Variants in TMEM25 observed in about 807,000 individuals in gnomAD.
The protein encoded by TMEM25 is transmembrane protein 25, also known as 0610039J01Rik.
TMEM25 carries 36 observed loss-of-function variants against 37.0 expected under a neutral mutation model. The observed-to-expected ratio is 0.97, with a 90% CI of 0.75 to 1.28. The LOEUF (loss-of-function observed/expected upper bound fraction) is 1.28, where lower values mean the gene tolerates loss of function less well. Among genes scored for constraint, TMEM25 ranks in the 50% most tolerant of loss-of-function variants. The pLI, the probability that TMEM25 is intolerant of heterozygous loss-of-function variation, is 0.00. For synonymous variants in TMEM25, 197 were observed against 203.7 expected (o/e 0.97, Z 0.28); for missense variants, 444 against 477.9 (o/e 0.93, Z 0.66).
chr11:118,532,942 C>T lies in TMEM25; in HGVS notation c.408C>T (p.Gly136=), dbSNP rs200064947. ...VQFKPEIAQV[G]AKYQEAQGPG... The stretch of plus-strand genomic sequence containing the variant: ...TCAAGCCAGAGATTGCCCAAGTCGG[C>T]GCCAAGTACCAGGAAGCTCAGGGCC... Residue 136 remains glycine, a synonymous_variant, in exon 4 of 9, where the codon GGC becomes GGT. Transcript: ENST00000313236. 1.0e-4 allele frequency: 168 copies of T among 1,613,832 alleles called. No homozygotes were observed. Among genetic ancestry groups the T allele is most frequent in the African/African-American group, 2.1e-4 (16 of 75,062 alleles).
At position 118,534,592 on chromosome 11, in the gene TMEM25, G is replaced by A. The variant is rs1951454414; in HGVS notation, c.*12G>A. 6.2e-7 allele frequency: 1 copy of A among 1,613,966 alleles called. No homozygotes were observed. The highest frequency in any genetic ancestry group is 8.5e-7 in the Non-Finnish European group (1 of 1,179,910). On this transcript the variant is annotated 3_prime_UTR_variant, in exon 9 of 9. Transcript: ENST00000313236. This position sits in a 1 kb window ranked among gnomAD's most constrained non-coding sequence, Gnocchi z 4.6. ...AGATCTGGCTCTGAGCCGAGGGCGA[G>A]ACAGGAGTATTCTCTTGGCCTCTGG...
chr11:118,533,349 G>T, intron 4 of TMEM25, 71 bp from the exon 5 acceptor site: 1 of 1,604,310 alleles, frequency 6.2e-7, no homozygotes, highest in Non-Finnish European at 8.5e-7. Context: ...AAGGAGGGCA[G>T]AGTAGTACCT....
At chr11:118,535,926 G>A (rs1480254150), downstream of TMEM25, 2 of 854,278 alleles carry the variant, frequency 2.3e-6, no homozygotes, top group African/African-American at 1.8e-5. Context: ...CGCCCAGGCT[G>A]GAGTGCAGCG....
Position 118,532,239 on chromosome 11 carries a change from G to C in TMEM25, c.160G>C (p.Val54Leu). ...ENERHAFTCR[V>L]AGGPGTPRLA... ...TGAACGCCACGCCTTCACCTGCCGGGTGGCAGGGGGGCCTGGCACCCCCAG... is the reference window on the plus strand; with the variant it reads ...TGAACGCCACGCCTTCACCTGCCGGCTGGCAGGGGGGCCTGGCACCCCCAG... The change falls in exon 3 of 9, where the codon GTG becomes CTG. Residue 54 changes from valine to leucine, a missense_variant. Physicochemically the swap from Val to Leu is conservative, Grantham distance 32 (BLOSUM62 1). Transcript: ENST00000313236. 1 of 1,613,526 alleles carries C rather than the reference G, an allele frequency of 6.2e-7. No homozygotes were observed. Among genetic ancestry groups the C allele is most frequent in the South Asian group, 1.1e-5 (1 of 91,052 alleles).
Position 118,534,901 on chromosome 11 carries a change from C to T in TMEM25, c.*321C>T. On this transcript the variant is annotated 3_prime_UTR_variant, in exon 9 of 9. Transcript: ENST00000313236. The surrounding 1 kb of genome is among the most constrained non-coding windows in gnomAD (Gnocchi z 4.6). ...GGGGTGTTCAGATGTCATCCAGCAT[C>T]CAAGTGTGGCATGGCCTGCTGTATA... The T allele has an allele frequency of 1.6e-6, 2 of 1,226,398 alleles. No individual in the cohort carries two copies. Among genetic ancestry groups the T allele is most frequent in the Non-Finnish European group, 2.1e-6 (2 of 972,976 alleles). The allele number at this position is 1,226,398 out of a possible 1,614,324, so 76.0% of individuals were successfully genotyped here.
chr11:118,532,247 G>A lies in TMEM25; in HGVS notation c.168G>A (p.Gly56=), dbSNP rs45558732. 6.2e-7 allele frequency: 1 copy of A among 1,613,758 alleles called. No individual in the cohort carries two copies. Among genetic ancestry groups the A allele is most frequent in the South Asian group, 1.1e-5 (1 of 91,068 alleles). The change falls in exon 3 of 9, where the codon GGG becomes GGA. Residue 56 remains glycine, a synonymous_variant. Coordinates refer to ENST00000313236, the MANE Select transcript of TMEM25 (RefSeq NM_032780.4). ...ACGCCTTCACCTGCCGGGTGGCAGG[G>A]GGGCCTGGCACCCCCAGATTGGCCT... is the stretch of plus-strand genomic sequence containing the variant. The part of the protein sequence containing the change: ...ERHAFTCRVA[G]GPGTPRLAWY...
At position 118,531,787 on chromosome 11, in the gene TMEM25, T is replaced by C. The variant is rs2135361401; in HGVS notation, c.-15T>C. 9 of 1,549,686 alleles carry C rather than the reference T, an allele frequency of 5.8e-6. No individual in the cohort carries two copies. The highest frequency in any genetic ancestry group is 7.0e-6 in the Non-Finnish European group (8 of 1,146,662). ...CCCCTTCTCTCAGCAGCCTAGGGCC[T>C]AGGCCCGGGCCACCATGGCGCTGCC... On this transcript the variant is annotated 5_prime_UTR_variant, in exon 2 of 9. Coordinates refer to ENST00000313236, the MANE Select transcript of TMEM25 (RefSeq NM_032780.4).
intron 8 of TMEM25, among the ~76,000 whole-genome samples, chr11:118,544,272 C>A (rs953753869): frequency 6.6e-6 from 1 of 152,182 alleles, no homozygotes; most frequent in African/African-American, 2.4e-5. Context: ...AGACCAGAAC[C>A]AGACAGGTCT....
rs536963695 is a variant in TMEM25 at position 118,533,567 on chromosome 11, T to G, written c.805+16T>G. On this transcript the variant is annotated intron_variant, in intron 5 of 8. Transcript: ENST00000313236. ...AAAACCAAAGGTAGGCCAGGGACACTGGGGGCAGTGTGGATGAGGTCAGGC... is the reference window on the plus strand; with the variant it reads ...AAAACCAAAGGTAGGCCAGGGACACGGGGGGCAGTGTGGATGAGGTCAGGC... 2.4e-5 allele frequency: 38 copies of G among 1,611,466 alleles called. No homozygotes were observed. The African/African-American group carries it at 4.1e-4, about 18-fold the overall frequency.
rs1196843849 is a variant in TMEM25, at chr11:118,535,277, G to A, written c.*697G>A. ...GACTTTTCTATTGGCCTGTGCCATC[G>A]CCCAGTATTAGCACAAGTTAGGGAG... On this transcript the variant is annotated 3_prime_UTR_variant, in exon 9 of 9. Transcript: ENST00000313236. The A allele has an allele frequency of 1.7e-5, 21 of 1,241,414 alleles. No individual in the cohort carries two copies. In the African/African-American group the frequency reaches 2.0e-4, roughly 12 times the overall value. 76.9% of individuals were successfully genotyped at this position (1,241,414 alleles called of 1,614,324 possible).
rs1565336647 is a variant in TMEM25, at chr11:118,535,171, ACTT to A, written c.*597_*599del. ...TTTGCTGCACACGTCTCTGCCCTTC[ACTT>A]CTTCTCTTCTGTCCCCACCTCCTCT... On this transcript the variant is annotated 3_prime_UTR_variant, in exon 9 of 9. Coordinates refer to ENST00000313236, the MANE Select transcript of TMEM25 (RefSeq NM_032780.4). 6 of 1,050,888 alleles carry A rather than the reference ACTT, an allele frequency of 5.7e-6. No homozygotes were observed. The highest frequency in any genetic ancestry group is 7.7e-5 in the East Asian group (1 of 12,944). The allele number at this position is 1,050,888 out of a possible 1,614,324, so 65.1% of individuals were successfully genotyped here.
In TMEM25 at chr11:118,545,305, AGACAT is replaced by A. The variant is rs1159975393; in HGVS notation, c.1028-813_1028-809del. 2.0e-4 allele frequency: 174 copies of A among 874,458 alleles called. No individual in the cohort carries two copies. The African/African-American group carries it at 2.4e-3, about 12-fold the overall frequency. The allele number at this position is 874,458 out of a possible 1,614,324, so 54.2% of individuals were successfully genotyped here. Reference sequence around the variant, plus strand: ...GGAAAGGGCGAAGGTAACTGGGCAGAGACATCCTACATCGCTATAGGATGCAATCA... The same window carrying A: ...GGAAAGGGCGAAGGTAACTGGGCAGACCTACATCGCTATAGGATGCAATCA... On this transcript the variant is annotated intron_variant, in intron 8 of 8. Transcript: ENST00000354284.
At chr11:118,544,639 T>C (rs1591354119) in intron 8 of TMEM25, 1 of 381,800 alleles carries the variant, frequency 2.6e-6, no homozygotes, top group East Asian at 4.5e-5. Flanking sequence ...TTCCTCCCAA[T>C]CTAACCTCCA....
chr11:118,531,325 CACCAACATCAGGAAA>C, intron 1 of TMEM25, 91 bp downstream of exon 1: 1 of 335,512 alleles, frequency 3.0e-6, no homozygotes, highest in Admixed American at 5.3e-5. Context: ...CCACCGGAGC[CACCAACATCAGGAAA>C]GGGGGCGTAG....
Position 118,534,485 on chromosome 11 carries a change from G to T in TMEM25, c.1028-22G>T, listed in dbSNP as rs782303597. On this transcript the variant is annotated intron_variant, in intron 8 of 8. Transcript: ENST00000313236. This position sits in a 1 kb window ranked among gnomAD's most constrained non-coding sequence, Gnocchi z 4.6. Reference sequence around the variant, plus strand: ...AAGGAACAAGCGTTACTGAGTCCCCGCGGGCTTCTTTGATCCCGCAGGTTT... The same window carrying T: ...AAGGAACAAGCGTTACTGAGTCCCCTCGGGCTTCTTTGATCCCGCAGGTTT... The T allele has an allele frequency of 6.8e-6, 11 of 1,613,818 alleles. No individual in the cohort carries two copies. The African/African-American group carries it at 1.2e-4, about 18-fold the overall frequency.
Position 118,532,993 on chromosome 11 carries a change from C to T in TMEM25, c.459C>T (p.Ala153=). 1.2e-6 allele frequency: 2 copies of T among 1,614,256 alleles called. No individual in the cohort carries two copies. The highest frequency in any genetic ancestry group is 1.7e-6 in the Non-Finnish European group (2 of 1,180,036). ...CAGGCCTCCTGGTTGTCCTGTTTGC[C>T]CTGGTGCGTGCCAACCCGCCGGCCA... ...QGPGLLVVLF[A]LVRANPPANV... The change falls in exon 4 of 9, where the codon GCC becomes GCT. Residue 153 remains alanine (A), a synonymous_variant. Coordinates refer to ENST00000313236, the MANE Select transcript of TMEM25 (RefSeq NM_032780.4).
intron 5 of TMEM25, 123 bp downstream of exon 5, chr11:118,533,674 A>C: frequency 6.3e-7 from 1 of 1,586,366 alleles, no homozygotes; most frequent in Non-Finnish European, 8.6e-7. Flanking sequence ...GGGGGTGGCC[A>C]TGGGTACGGT....
chr11:118,531,447 G>A (rs923687666), intron 1 of TMEM25: 40 of 452,678 alleles, frequency 8.8e-5, no homozygotes, highest in Non-Finnish European at 1.4e-4. Flanking sequence ...TTGGGGGAGG[G>A]GCGCGTGGAG....
chr11:118,545,360 T>C, intron 8 of TMEM25: 1 of 1,330,874 alleles, frequency 7.5e-7, no homozygotes, highest in Non-Finnish European at 1.1e-6. Flanking sequence ...CAGTAGAAAC[T>C]ATAGTGATCC....
Sources: allele counts gnomAD v4.1 joint callset (sites outside exome capture counted in the v4.1 genomes callset), GRCh38; gene constraint gnomAD v4.1.1; non-coding constraint Gnocchi (gnomAD v3.1); transcripts MANE v1.5; gene names NCBI Gene and HGNC (gene_info 2026-07-23, HGNC 2026-07-21).